The following OSBPL8 variants were observed in gnomAD, a reference collection of about 807,000 sequenced individuals.
OSBPL8 encodes oxysterol binding protein like 8.
Under a neutral mutation model 125.5 loss-of-function variants are expected in OSBPL8, and 59 were observed. The ratio of observed to expected loss-of-function variants is 0.47; its 90% CI spans 0.38 to 0.58. The LOEUF is 0.58. Among genes scored for constraint, OSBPL8 ranks in the 20% least tolerant of loss-of-function variants. The pLI is 0.00. For synonymous variants in OSBPL8, 330 were observed against 338.9 expected, an observed-to-expected ratio of 0.97 and a Z score of 0.29; for missense variants, 758 against 1,047.8, an observed-to-expected ratio of 0.72 and a Z score of 3.82.
At chr12:76,387,393 G>A (rs1268929296) in intron 12 of OSBPL8, among the ~76,000 whole-genome samples, 4 of 152,256 alleles carry the variant, frequency 2.6e-5, no homozygotes, top group African/African-American at 9.6e-5. Flanking sequence ...GCTCTTGTGT[G>A]CTATCAACTG....
chr12:76,409,379 A>C lies in OSBPL8; in HGVS notation c.288+1185T>G, dbSNP rs548849311. On this transcript the variant is annotated intron_variant, in intron 5 of 23. Transcript: ENST00000261183. The stretch of plus-strand genomic sequence containing the variant: ...GTATTAGCATCTTATAATACCCCTC[A>C]ACCTTTGTCCAATCATACTTCTGTG... 5.8e-4 allele frequency among the ~76,000 whole-genome samples: 88 copies of C among 152,316 alleles called. 1 individual carries two copies. In the South Asian group the frequency reaches 0.017, roughly 30 times the overall value.
chr12:76,558,691 G>A (rs1951183355), intron 1 of OSBPL8, among the ~76,000 whole-genome samples: 1 of 152,226 alleles, frequency 6.6e-6, no homozygotes, highest in South Asian at 2.1e-4. Flanking sequence ...ATAAAGAAGA[G>A]TGTTAAATGA....
At chr12:76,557,425 GCC>G (rs1234339886) in intron 1 of OSBPL8, among the ~76,000 whole-genome samples, 1 of 151,992 alleles carries the variant, frequency 6.6e-6, no homozygotes, top group Admixed American at 6.5e-5. Context: ...GACCAGCCTG[GCC>G]AACATGGTGA....
At chr12:76,429,007 T>G (rs1870495273) in intron 4 of OSBPL8, among the ~76,000 whole-genome samples, 1 of 152,094 alleles carries the variant, frequency 6.6e-6, no homozygotes, top group South Asian at 2.1e-4. Context: ...TAGCTGTAGT[T>G]AGCAAAATCT....
chr12:76,386,653 G>C lies in OSBPL8; in HGVS notation c.1360C>G (p.Leu454Val). The stretch of plus-strand genomic sequence containing the variant: ...AAACGGAAATAAGGATTTTCTTCAA[G>C]AGCTGCCCTAAAACACAAAACGGTA... Reference protein sequence around the residue: ...YHADFLSEAALEENPYFRLKK... With the variant: ...YHADFLSEAAVEENPYFRLKK... Residue 454 changes from leucine to valine, a missense_variant, in exon 13 of 24, where the codon CTT becomes GTT. This residue lies in a region of OSBPL8 where 572 missense variants were observed against 762.0 expected (regional missense o/e 0.75). Coordinates refer to ENST00000261183, the MANE Select transcript of OSBPL8 (RefSeq NM_020841.5). 1.2e-6 allele frequency: 2 copies of C among 1,601,474 alleles called. No homozygotes were observed. The highest frequency in any genetic ancestry group is 1.7e-5 in the Admixed American group (1 of 58,852).
chr12:76,377,354 G>A (rs181690809), intron 16 of OSBPL8, among the ~76,000 whole-genome samples: 4 of 152,256 alleles, frequency 2.6e-5, no homozygotes, highest in East Asian at 3.9e-4. Context: ...TAGCCACACC[G>A]TCTTCCACAA....
At chr12:76,466,221 G>A (rs938300131) in intron 2 of OSBPL8, among the ~76,000 whole-genome samples, 3 of 151,562 alleles carry the variant, frequency 2.0e-5, no homozygotes, top group Non-Finnish European at 4.4e-5. Flanking sequence ...TTTTAAATAT[G>A]GCATACTAGT....
intron 4 of OSBPL8, among the ~76,000 whole-genome samples, chr12:76,429,243 C>G (rs945965871): frequency 6.6e-6 from 1 of 150,786 alleles, no homozygotes; most frequent in Non-Finnish European, 1.5e-5. Context: ...AAGAAGTATA[C>G]GACCGTACTT....
intron 1 of OSBPL8, among the ~76,000 whole-genome samples, chr12:76,551,245 C>T (rs1435571969): frequency 6.6e-6 from 1 of 152,188 alleles, no homozygotes; most frequent in Non-Finnish European, 1.5e-5. Context: ...ATAATAGTTT[C>T]TTTCCATTTA....
intron 1 of OSBPL8, among the ~76,000 whole-genome samples, chr12:76,505,175 T>C (rs1453752198): frequency 6.6e-6 from 1 of 152,170 alleles, no homozygotes; most frequent in Admixed American, 6.5e-5. Flanking sequence ...TGTTGATAAA[T>C]TGGGTTCATC....
chr12:76,471,020 T>C (rs546470265), intron 2 of OSBPL8, among the ~76,000 whole-genome samples: 3 of 152,290 alleles, frequency 2.0e-5, no homozygotes, highest in South Asian at 4.1e-4. Context: ...AGTCTAGGTG[T>C]AATATAGATG....
At chr12:76,488,539 G>A (rs899828572) in intron 1 of OSBPL8, among the ~76,000 whole-genome samples, 4 of 152,030 alleles carry the variant, frequency 2.6e-5, no homozygotes, top group African/African-American at 9.7e-5. Context: ...GTCATAGTTT[G>A]GTAACTCTCA....
intron 2 of OSBPL8, among the ~76,000 whole-genome samples, chr12:76,485,773 T>C (rs1353382123): frequency 3.3e-5 from 5 of 152,184 alleles, no homozygotes; most frequent in African/African-American, 2.4e-5. Flanking sequence ...TCTGAGCCTA[T>C]TTCCCTACCT....
intron 1 of OSBPL8, among the ~76,000 whole-genome samples, chr12:76,498,028 A>G (rs1879460160): frequency 6.6e-6 from 1 of 152,222 alleles, no homozygotes; most frequent in South Asian, 2.1e-4. Context: ...ATTTTCAGTG[A>G]CTAGCATGTG....
At chr12:76,412,865 G>A (rs930617957) in intron 4 of OSBPL8, among the ~76,000 whole-genome samples, 3 of 152,140 alleles carry the variant, frequency 2.0e-5, no homozygotes, top group Non-Finnish European at 4.4e-5. Context: ...CTCTCAAGAC[G>A]CAAGGCCACC....
At chr12:76,495,683 G>A (rs906854166) in intron 1 of OSBPL8, among the ~76,000 whole-genome samples, 1 of 151,218 alleles carries the variant, frequency 6.6e-6, no homozygotes, top group African/African-American at 2.5e-5. Context: ...AAAAACCACT[G>A]AATGATTTAC....
intron 2 of OSBPL8, among the ~76,000 whole-genome samples, chr12:76,470,882 A>G (rs766264770): frequency 5.3e-5 from 8 of 152,228 alleles, no homozygotes; most frequent in Non-Finnish European, 1.2e-4. Flanking sequence ...TAATAGTTAC[A>G]GGAAAATAAA....
At chr12:76,383,235 G>A (rs1953137770) in intron 15 of OSBPL8, among the ~76,000 whole-genome samples, 1 of 151,918 alleles carries the variant, frequency 6.6e-6, no homozygotes, top group African/African-American at 2.4e-5. Context: ...ATTTCTATAA[G>A]GGTAGAACAC....
intron 4 of OSBPL8, among the ~76,000 whole-genome samples, chr12:76,439,539 GT>G: frequency 6.6e-6 from 1 of 152,048 alleles, no homozygotes; most frequent in Non-Finnish European, 1.5e-5. Flanking sequence ...GGGGGAGAGT[GT>G]TTTTATAATC....
Sources: allele counts gnomAD v4.1 joint callset (sites outside exome capture counted in the v4.1 genomes callset), GRCh38; gene constraint gnomAD v4.1.1; regional missense constraint gnomAD v4.1.1; transcripts MANE v1.5; gene names NCBI Gene and HGNC (gene_info 2026-07-23, HGNC 2026-07-21).